HNRNPR: variants seen among roughly 807,000 people sequenced by gnomAD.
HNRNPR encodes heterogeneous nuclear ribonucleoprotein R.
A neutral mutation model predicts 70.3 loss-of-function variants in HNRNPR; 4 were observed. The ratio of observed to expected loss-of-function variants is 0.06; its 90% confidence interval spans 0.03 to 0.13. The LOEUF (loss-of-function observed/expected upper bound fraction) is 0.13, where lower values mean the gene tolerates loss of function less well. Among genes scored for constraint, HNRNPR ranks in the 10% least tolerant of loss-of-function variants. HNRNPR has a pLI of 1.00. For synonymous variants in HNRNPR, 241 were observed against 267.6 expected (o/e 0.90, Z 0.97); for missense variants, 423 against 788.5 (o/e 0.54, Z 5.55).
intron 8 of HNRNPR, among the ~76,000 whole-genome samples, chr1:23,316,770 T>C (rs914262906): frequency 6.6e-5 from 10 of 152,164 alleles, no homozygotes; most frequent in East Asian, 1.9e-4. Context: ...GAAGAAACAA[T>C]AGGAATTAAA....
At chr1:23,313,532 C>A in intron 9 of HNRNPR, 21 bp downstream of exon 9, 2 of 1,520,598 alleles carry the variant, frequency 1.3e-6, no homozygotes, top group Non-Finnish European at 1.8e-6. Flanking sequence ...ATATCAAGAA[C>A]CAAAATTTCA....
Position 23,309,410 on chromosome 1 carries a change from TTATA to T in HNRNPR, c.*1040_*1043del, listed in dbSNP as rs1438777469. ...AAGGTCTTCAGTCACAAATTATCCC[TTATA>T]AAGAATGTGGGTCAAAATAAATTGC... On this transcript the variant is annotated 3_prime_UTR_variant, in exon 11 of 11. Coordinates refer to ENST00000302271, the MANE Select transcript of HNRNPR (RefSeq NM_005826.5). The T allele has an allele frequency of 6.6e-6, 1 of 152,140 alleles. No individual in the cohort carries two copies. The allele number at this position is 152,140 out of a possible 1,614,324, so 9.4% of individuals were successfully genotyped here. A position where few individuals can be genotyped will look rare whatever the true frequency, so the allele number is the denominator to read the frequency against.
At chr1:23,321,799 T>TTC in intron 6 of HNRNPR, 136 bp from the exon 7 acceptor site, 1 of 760,280 alleles carries the variant, frequency 1.3e-6, no homozygotes, top group Non-Finnish European at 2.0e-6. Context: ...ATGCTTTCCA[T>TTC]AATATGAATG....
intron 8 of HNRNPR, among the ~76,000 whole-genome samples, chr1:23,316,496 G>T (rs1411683908): frequency 6.6e-6 from 1 of 152,170 alleles, no homozygotes; most frequent in Admixed American, 6.5e-5. Flanking sequence ...TAAAGGTTAT[G>T]TGAGAAGTGG....
chr1:23,333,978 G>C (rs59234980), intron 4 of HNRNPR, among the ~76,000 whole-genome samples: 4 of 150,294 alleles, frequency 2.7e-5, no homozygotes, highest in African/African-American at 7.4e-5. Context: ...CAGTGGCATC[G>C]TCTCGGCTCA....
chr1:23,312,181 C>T (rs761170193), intron 9 of HNRNPR, among the ~76,000 whole-genome samples: 2 of 152,128 alleles, frequency 1.3e-5, no homozygotes, highest in African/African-American at 4.8e-5. Flanking sequence ...TAGACAAAAA[C>T]GAAACTAGTC....
Position 23,321,309 on chromosome 1 carries a change from G to T in HNRNPR, c.811+219C>A, listed in dbSNP as rs1247120570. The stretch of plus-strand genomic sequence containing the variant: ...AGCAAAAGCTCCAGCAAAAGCCAAG[G>T]TTCAATTAAGACAAAGAAGTGAAGG... On this transcript the variant is annotated intron_variant, in intron 7 of 10. Coordinates refer to ENST00000302271, the MANE Select transcript of HNRNPR (RefSeq NM_005826.5). 3.3e-5 allele frequency among the ~76,000 whole-genome samples: 5 copies of T among 152,116 alleles called. 1 individual carries two copies. The East Asian group carries it at 9.6e-4, about 29-fold the overall frequency.
chr1:23,322,816 A>G (rs1202300526), intron 6 of HNRNPR, among the ~76,000 whole-genome samples: 3 of 152,220 alleles, frequency 2.0e-5, no homozygotes, highest in African/African-American at 7.2e-5. Flanking sequence ...AGGCAAGGGT[A>G]TGCCAAAAAA....
intron 9 of HNRNPR, 133 bp downstream of exon 9, chr1:23,313,420 T>C (rs1275433012): frequency 1.1e-5 from 7 of 645,272 alleles, no homozygotes; most frequent in East Asian, 2.8e-5. Context: ...ATTACCACTT[T>C]ACAGAGATTA....
chr1:23,342,217 G>A (rs1428626243), intron 1 of HNRNPR, among the ~76,000 whole-genome samples: 1 of 152,160 alleles, frequency 6.6e-6, no homozygotes, highest in East Asian at 1.9e-4. Context: ...ATCGAACATT[G>A]TGCAAATGCA....
intron 5 of HNRNPR, among the ~76,000 whole-genome samples, chr1:23,331,729 G>A (rs1017039614): frequency 6.6e-6 from 1 of 150,916 alleles, no homozygotes; most frequent in Non-Finnish European, 1.5e-5. Flanking sequence ...AGCTACTGGG[G>A]AGGCTGAGGC....
intron 8 of HNRNPR, among the ~76,000 whole-genome samples, chr1:23,316,530 A>G (rs1390090207): frequency 6.6e-6 from 1 of 152,180 alleles, no homozygotes; most frequent in Admixed American, 6.5e-5. Context: ...TACAAGCTAT[A>G]CTTTTGGTTT....
chr1:23,318,633 C>A lies in HNRNPR; in HGVS notation c.867G>T (p.Arg289=). The change falls in exon 8 of 11, where the codon CGG becomes CGT. Residue 289 remains arginine (R), a synonymous_variant. Transcript: ENST00000302271. The surrounding 1 kb of genome is among the most constrained non-coding windows in gnomAD (Gnocchi z 4.2). The part of the protein sequence containing the change: ...YHQPDDKKKN[R]GFCFLEYEDH... ...CCTCATATTCAAGGAAGCAGAACCCCCGATTCTTCTTTTTGTCATCGGGTT... is the reference window on the plus strand; with the variant it reads ...CCTCATATTCAAGGAAGCAGAACCCACGATTCTTCTTTTTGTCATCGGGTT... 6.2e-7 allele frequency: 1 copy of A among 1,614,164 alleles called. No individual in the cohort carries two copies.
chr1:23,321,595 A>T lies in HNRNPR; in HGVS notation c.744T>A (p.Leu248=). Residue 248 remains leucine, a synonymous_variant, in exon 7 of 11, where the codon CTT becomes CTA. Transcript: ENST00000302271. ...TATTCTTCGGAATGGATCCAACAAA[A>T]AGTCTGTTGTTTGCCACAGAAATGC... ...GVCISVANNR[L]FVGSIPKNKT... is the part of the protein sequence containing the mutation. 7 of 1,613,846 alleles carry T rather than the reference A, an allele frequency of 4.3e-6. No homozygotes were observed. The highest frequency in any genetic ancestry group is 1.3e-5 in the African/African-American group (1 of 75,036).
intron 5 of HNRNPR, among the ~76,000 whole-genome samples, chr1:23,333,059 G>A (rs1318518215): frequency 1.3e-5 from 2 of 152,070 alleles, no homozygotes; most frequent in African/African-American, 4.8e-5. Context: ...GCACGCACCT[G>A]TAATCCCAGC....
rs1295111478 is a variant in HNRNPR, at chr1:23,307,448, C to G, written c.*3006G>C. 6.6e-6 allele frequency: 1 copy of G among 151,974 alleles called. No individual in the cohort carries two copies. Among genetic ancestry groups the G allele is most frequent in the South Asian group, 2.1e-4 (1 of 4,822 alleles). The allele number at this position is 151,974 out of a possible 1,614,324, so 9.4% of individuals were successfully genotyped here. ...CAAAAGAGAGAAAAATTATCTCCTA[C>G]TATCAGAAAGCATTGGGCTTTCTTA... On this transcript the variant is annotated 3_prime_UTR_variant, in exon 11 of 11. Transcript: ENST00000302271.
At chr1:23,327,995 C>CAAAAA (rs11345105) in intron 5 of HNRNPR, among the ~76,000 whole-genome samples, 11 of 118,698 alleles carry the variant, frequency 9.3e-5, no homozygotes, top group Non-Finnish European at 1.2e-4. Flanking sequence ...GACTCTGTCT[C>CAAAAA]AAAAAAAAAA....
intron 4 of HNRNPR, among the ~76,000 whole-genome samples, chr1:23,337,202 G>A (rs550023247): frequency 1.3e-5 from 2 of 152,292 alleles, no homozygotes; most frequent in Non-Finnish European, 2.9e-5. Context: ...AACTACCAGC[G>A]AAGCATCAAT....
rs1470905927 is a variant in HNRNPR at position 23,305,310 on chromosome 1, TA to T, written c.*5143del. ...ATCCTTTCTGTCACTGACACATGCA[TA>T]AAATGTTACCTTAACACAACCCTGC... On this transcript the variant is annotated 3_prime_UTR_variant, in exon 11 of 11. Coordinates refer to ENST00000302271, the MANE Select transcript of HNRNPR (RefSeq NM_005826.5). The T allele has an allele frequency of 6.6e-6, 1 of 152,208 alleles. No individual in the cohort carries two copies. The highest frequency in any genetic ancestry group is 1.5e-5 in the Non-Finnish European group (1 of 68,014). The allele number at this position is 152,208 out of a possible 1,614,324, so 9.4% of individuals were successfully genotyped here.
Sources: gnomAD v4.1 joint callset for allele counts (sites outside exome capture counted in the v4.1 genomes callset) on GRCh38, gnomAD v4.1.1 for gene constraint, Gnocchi (gnomAD v3.1) non-coding constraint, MANE v1.5 for transcripts, NCBI Gene and HGNC (gene_info 2026-07-23, HGNC 2026-07-21) for gene names.